NOVA1: variants seen among roughly 807,000 people sequenced by gnomAD.
NOVA1 encodes the protein NOVA alternative splicing regulator 1, also known as RNA-binding protein Nova-1.
Under a neutral mutation model 38.0 loss-of-function variants are expected in NOVA1, and 7 were observed. The ratio of observed to expected loss-of-function variants is 0.18; its 90% confidence interval spans 0.10 to 0.35. The LOEUF is 0.35. Ranked by LOEUF, NOVA1 falls within the 10% of genes least tolerant of loss-of-function variation. The pLI, the probability that NOVA1 is intolerant of heterozygous loss-of-function variation, is 1.00. For missense variants in NOVA1, 460 were observed against 616.0 expected (o/e 0.75, Z 2.68); for synonymous variants, 270 against 232.5 (o/e 1.16, Z -1.47).
intron 2 of NOVA1, among the ~76,000 whole-genome samples, chr14:26,500,315 C>T (rs1271219067): frequency 6.6e-6 from 1 of 151,988 alleles, no homozygotes; most frequent in Non-Finnish European, 1.5e-5. Context: ...GATTTAGTAA[C>T]AGATTAAATG....
At chr14:26,454,175 A>G (rs560848096) in intron 4 of NOVA1, among the ~76,000 whole-genome samples, 64 of 152,304 alleles carry the variant, frequency 4.2e-4, no homozygotes, top group African/African-American at 1.5e-3. Flanking sequence ...AAGAAAAAAA[A>G]AACAGAAAAG....
intron 2 of NOVA1, among the ~76,000 whole-genome samples, chr14:26,558,461 A>AT (rs998712794): frequency 2.0e-5 from 3 of 152,130 alleles, no homozygotes; most frequent in Non-Finnish European, 2.9e-5. Context: ...TTTCTGCTCA[A>AT]TTTTTTCTGT....
intron 2 of NOVA1, among the ~76,000 whole-genome samples, chr14:26,535,723 C>T (rs909894175): frequency 1.3e-5 from 2 of 151,312 alleles, no homozygotes; most frequent in East Asian, 1.9e-4. Flanking sequence ...TTTGGGAGGG[C>T]GAGATGGGCA....
intron 2 of NOVA1, among the ~76,000 whole-genome samples, chr14:26,566,196 C>G (rs929511054): frequency 7.9e-5 from 12 of 152,044 alleles, no homozygotes; most frequent in African/African-American, 1.4e-4. Context: ...TAAAAGATAT[C>G]GTACATAACA....
intron 4 of NOVA1, among the ~76,000 whole-genome samples, chr14:26,469,053 G>C (rs1270463287): frequency 2.0e-5 from 3 of 152,128 alleles, no homozygotes; most frequent in Non-Finnish European, 4.4e-5. Context: ...AGTTTTATTT[G>C]AAAGTTAAAA....
chr14:26,481,184 G>A (rs988586462), intron 2 of NOVA1, among the ~76,000 whole-genome samples: 3 of 152,024 alleles, frequency 2.0e-5, no homozygotes, highest in Non-Finnish European at 2.9e-5. Flanking sequence ...TTTCTAAACA[G>A]TTGTTAAAAT....
At chr14:26,454,283 G>T (rs909679400) in intron 4 of NOVA1, among the ~76,000 whole-genome samples, 1 of 152,150 alleles carries the variant, frequency 6.6e-6, no homozygotes, top group Non-Finnish European at 1.5e-5. Context: ...CATGACCCAG[G>T]TCTGACCTAT....
At chr14:26,506,595 T>C (rs542861790) in intron 2 of NOVA1, among the ~76,000 whole-genome samples, 1 of 152,152 alleles carries the variant, frequency 6.6e-6, no homozygotes, top group Non-Finnish European at 1.5e-5. Context: ...TCTTTTTTTT[T>C]GAGATGGAGT....
chr14:26,483,953 C>T (rs178211), intron 2 of NOVA1, among the ~76,000 whole-genome samples: 140,566 of 152,184 alleles, frequency 0.92, 65,744 homozygotes, highest in East Asian at 1. Context: ...CTGTTAACTT[C>T]AACATGTGAG....
At chr14:26,453,926 T>C (rs1425214959) in intron 4 of NOVA1, among the ~76,000 whole-genome samples, 1 of 152,176 alleles carries the variant, frequency 6.6e-6, no homozygotes, top group African/African-American at 2.4e-5. Context: ...ACCTGTTATT[T>C]TACTCAGTCA....
chr14:26,506,426 T>C (rs761002560), intron 2 of NOVA1, among the ~76,000 whole-genome samples: 11 of 152,192 alleles, frequency 7.2e-5, no homozygotes, highest in Non-Finnish European at 1.3e-4. Context: ...GCTCAAAATC[T>C]TTTCATGCTT....
intron 2 of NOVA1, among the ~76,000 whole-genome samples, chr14:26,543,920 G>A (rs1022981356): frequency 6.6e-6 from 1 of 151,564 alleles, no homozygotes; most frequent in Non-Finnish European, 1.5e-5. Context: ...AACATATACT[G>A]AGGGAAGGCA....
At chr14:26,465,466 C>T (rs1000564273) in intron 4 of NOVA1, among the ~76,000 whole-genome samples, 4 of 152,126 alleles carry the variant, frequency 2.6e-5, no homozygotes, top group African/African-American at 7.2e-5. Flanking sequence ...CCACTGCACC[C>T]GGCCCTAATT....
At chr14:26,567,464 C>A (rs1346407304) in intron 2 of NOVA1, among the ~76,000 whole-genome samples, 1 of 151,480 alleles carries the variant, frequency 6.6e-6, no homozygotes, top group East Asian at 2.0e-4. Flanking sequence ...CCAAATAATT[C>A]TGTTTATTTT....
At chr14:26,590,459 A>C (rs1893775445) in intron 2 of NOVA1, among the ~76,000 whole-genome samples, 1 of 151,954 alleles carries the variant, frequency 6.6e-6, no homozygotes, top group Admixed American at 6.6e-5. Flanking sequence ...AATATTTATT[A>C]GGTGCTGAAA....
intron 2 of NOVA1, among the ~76,000 whole-genome samples, chr14:26,537,874 C>T (rs1426617524): frequency 6.6e-6 from 1 of 152,090 alleles, no homozygotes; most frequent in Non-Finnish European, 1.5e-5. Context: ...TATTAGGAAA[C>T]TGGGAATAGC....
intron 4 of NOVA1, among the ~76,000 whole-genome samples, chr14:26,459,699 C>G (rs1883494587): frequency 6.6e-6 from 1 of 152,114 alleles, no homozygotes; most frequent in South Asian, 2.1e-4. Context: ...TAAAGTTAAT[C>G]TAGGAATAAA....
rs1457279690 is a variant in NOVA1, at chr14:26,445,723, C to T, written c.*2236G>A. 8 of 152,200 alleles carry T rather than the reference C, an allele frequency of 5.3e-5. No homozygotes were observed. Among genetic ancestry groups the T allele is most frequent in the Non-Finnish European group, 1.2e-4 (8 of 68,008 alleles). The allele number at this position is 152,200 out of a possible 1,614,324, so 9.4% of individuals were successfully genotyped here. The stretch of plus-strand genomic sequence containing the variant: ...TACACATCCTAGATCACTTCCTTTC[C>T]CTTTTTCAAACTAAGTGGGGCCCCA... On this transcript the variant is annotated 3_prime_UTR_variant, in exon 5 of 5. Coordinates refer to ENST00000539517, the MANE Select transcript of NOVA1 (RefSeq NM_002515.3).
chr14:26,559,419 T>C (rs1388232832), intron 2 of NOVA1, among the ~76,000 whole-genome samples: 2 of 152,162 alleles, frequency 1.3e-5, no homozygotes, highest in Admixed American at 1.3e-4. Flanking sequence ...TTAATGCCAT[T>C]CTAAAATGAT....
Sources: allele counts gnomAD v4.1 joint callset (sites outside exome capture counted in the v4.1 genomes callset), GRCh38; gene constraint gnomAD v4.1.1; transcripts MANE v1.5; gene names NCBI Gene and HGNC (gene_info 2026-07-23, HGNC 2026-07-21).